The following MITF variants were observed in gnomAD, a reference collection of about 807,000 sequenced individuals.
MITF encodes the protein microphthalmia-associated transcription factor.
MITF carries 17 observed loss-of-function variants against 60.5 expected under a neutral mutation model. The observed-to-expected ratio is 0.28, with a 90% CI of 0.19 to 0.42. The LOEUF is 0.42. MITF is among the 10% of genes least tolerant of loss of function. MITF has a pLI of 1.00. For missense variants in MITF, 622 were observed against 683.5 expected (o/e 0.91, Z 1.00); for synonymous variants, 260 against 248.5 (o/e 1.05, Z -0.43).
At chr3:69,803,889 T>C (rs2106961396) in intron 1 of MITF, among the ~76,000 whole-genome samples, 1 of 152,280 alleles carries the variant, frequency 6.6e-6, no homozygotes, top group African/African-American at 2.4e-5. Flanking sequence ...GTTTCCTTGA[T>C]GTTGGGAAGT....
Position 69,930,299 on chromosome 3 carries a change from A to T in MITF, c.355-7523A>T, listed in dbSNP as rs9917633. On this transcript the variant is annotated intron_variant, in intron 2 of 9. Coordinates refer to ENST00000352241, the MANE Select transcript of MITF (RefSeq NM_001354604.2). ...ATCCTTGAGGCACTCTGACATTTAG[A>T]GGGGAGAAGAGGAGAAAACTAGCTA... is the stretch of plus-strand genomic sequence containing the variant. 8.6e-3 allele frequency among the ~76,000 whole-genome samples: 1,307 copies of T among 152,228 alleles called. 13 individuals carry two copies. Among genetic ancestry groups the T allele is most frequent in the African/African-American group, 0.029 (1,222 of 41,526 alleles).
At chr3:69,945,270 G>T (rs1346100496) in intron 5 of MITF, among the ~76,000 whole-genome samples, 2 of 152,176 alleles carry the variant, frequency 1.3e-5, no homozygotes, top group Non-Finnish European at 2.9e-5. Flanking sequence ...CAGTATGGGG[G>T]CATAGACCCA....
intron 1 of MITF, among the ~76,000 whole-genome samples, chr3:69,803,423 C>T (rs1374852712): frequency 2.6e-5 from 4 of 152,068 alleles, no homozygotes. Flanking sequence ...TCTCTGAGGA[C>T]TTTTGGAGGT....
intron 1 of MITF, among the ~76,000 whole-genome samples, chr3:69,759,363 G>A (rs1040502677): frequency 2.0e-5 from 3 of 152,108 alleles, no homozygotes; most frequent in Non-Finnish European, 4.4e-5. Context: ...ACACAAAAGT[G>A]CAAAAAATGT....
chr3:69,755,433 G>GA (rs1704102704), intron 1 of MITF, among the ~76,000 whole-genome samples: 1 of 35,396 alleles, frequency 2.8e-5, no homozygotes, highest in Non-Finnish European at 4.5e-5. Context: ...ACCCTTCTGG[G>GA]TTTTTTTTTT....
Position 69,739,712 on chromosome 3 carries a change from A to G in MITF, c.104+11A>G. 6.4e-7 allele frequency: 1 copy of G among 1,554,578 alleles called. No individual in the cohort carries two copies. Among genetic ancestry groups the G allele is most frequent in the Non-Finnish European group, 8.7e-7 (1 of 1,145,844 alleles). On this transcript the variant is annotated intron_variant, in intron 1 of 9. Transcript: ENST00000352241. ...ACCGCTGAAGAGCAGGTGAGTGGTGACAGCTGGGCAGAGGCGCACCGGGCG... is the reference window on the plus strand; with the variant it reads ...ACCGCTGAAGAGCAGGTGAGTGGTGGCAGCTGGGCAGAGGCGCACCGGGCG...
Position 69,965,027 on chromosome 3 carries a change from A to G in MITF, c.1360A>G (p.Thr454Ala), listed in dbSNP as rs915862992. 2.5e-6 allele frequency: 4 copies of G among 1,613,986 alleles called. No homozygotes were observed. The African/African-American group carries it at 5.3e-5, about 22-fold the overall frequency. Reference sequence around the variant, plus strand: ...AACAACTCTCGATCTCACGGATGGCACCATCACCTTCAACAACAACCTCGG... The same window carrying G: ...AACAACTCTCGATCTCACGGATGGCGCCATCACCTTCAACAACAACCTCGG... Reference protein sequence around the residue: ...CTTTLDLTDGTITFNNNLGTG... With the variant: ...CTTTLDLTDGAITFNNNLGTG... The change falls in exon 10 of 10, where the codon ACC becomes GCC. Residue 454 changes from threonine to alanine, a missense_variant. Around this residue, in one of 5 missense-constraint regions of MITF, gnomAD observed 224 missense variants for 209.5 expected, o/e 1.07. Transcript: ENST00000352241.
intron 9 of MITF, among the ~76,000 whole-genome samples, chr3:69,963,460 G>A (rs938178263): frequency 2.0e-5 from 3 of 152,012 alleles, no homozygotes; most frequent in Non-Finnish European, 4.4e-5. Flanking sequence ...CTTTTTGTTA[G>A]GTCCGAACAA....
rs181585760 is a variant in MITF at position 69,756,357 on chromosome 3, C to T, written c.104+16656C>T. Reference sequence around the variant, plus strand: ...GTCCATGTGTTCTCATTGTTCAACTCCCACTTATGAGTGAGAACATGCAGT... The same window carrying T: ...GTCCATGTGTTCTCATTGTTCAACTTCCACTTATGAGTGAGAACATGCAGT... On this transcript the variant is annotated intron_variant, in intron 1 of 9. Transcript: ENST00000352241. Among the ~76,000 whole-genome samples, 7 of 152,252 alleles carry T rather than the reference C, an allele frequency of 4.6e-5. No individual in the cohort carries two copies. In the East Asian group the frequency reaches 1.2e-3, roughly 25 times the overall value.
At chr3:69,923,366 A>T (rs931784606) in intron 2 of MITF, among the ~76,000 whole-genome samples, 1 of 152,214 alleles carries the variant, frequency 6.6e-6, no homozygotes, top group African/African-American at 2.4e-5. Context: ...TCTTTTGGAG[A>T]TGGAGTCTTG....
At chr3:69,827,860 G>A (rs1422162457) in intron 1 of MITF, among the ~76,000 whole-genome samples, 1 of 152,066 alleles carries the variant, frequency 6.6e-6, no homozygotes, top group African/African-American at 2.4e-5. Flanking sequence ...TCTCAGAAAA[G>A]TAAGCTTGGG....
chr3:69,938,244 A>G (rs1331017403), intron 3 of MITF, 195 bp downstream of exon 3: 2 of 1,156,880 alleles, frequency 1.7e-6, no homozygotes, highest in South Asian at 1.3e-5. Flanking sequence ...TGTAGAGCAC[A>G]TGACGGGAGA....
intron 1 of MITF, among the ~76,000 whole-genome samples, chr3:69,765,586 T>C (rs2062277757): frequency 6.6e-6 from 1 of 152,226 alleles, no homozygotes; most frequent in South Asian, 2.1e-4. Context: ...AAGATTAAAC[T>C]GAAGAATTGC....
rs995307499 is a variant in MITF, at chr3:69,739,499, C to T, written c.-99C>T. 10 of 1,156,720 alleles carry T rather than the reference C, an allele frequency of 8.6e-6. No homozygotes were observed. Among genetic ancestry groups the T allele is most frequent in the South Asian group, 1.3e-5 (1 of 75,322 alleles). 71.7% of individuals were successfully genotyped at this position (1,156,720 alleles called of 1,614,324 possible). On this transcript the variant is annotated 5_prime_UTR_variant, in exon 1 of 10. Coordinates refer to ENST00000352241, the MANE Select transcript of MITF (RefSeq NM_001354604.2). The stretch of plus-strand genomic sequence containing the variant: ...GAGCGGGCAGAGCTCGGCACTGCGC[C>T]GGGGCGCACGGCTCGGGGGACCCAG...
At chr3:69,854,299 G>C (rs1257666681) in intron 1 of MITF, among the ~76,000 whole-genome samples, 1 of 152,154 alleles carries the variant, frequency 6.6e-6, no homozygotes, top group Non-Finnish European at 1.5e-5. Flanking sequence ...AACTACAGTT[G>C]TCCTTGGTAT....
At chr3:69,873,990 C>T (rs1443461794) in intron 1 of MITF, among the ~76,000 whole-genome samples, 1 of 152,076 alleles carries the variant, frequency 6.6e-6, no homozygotes, top group Admixed American at 6.5e-5. Flanking sequence ...ATTTTGAAAC[C>T]CCTGTAGCTT....
intron 1 of MITF, among the ~76,000 whole-genome samples, chr3:69,779,267 T>G (rs1036168746): frequency 1.3e-5 from 2 of 152,200 alleles, no homozygotes; most frequent in Non-Finnish European, 2.9e-5. Context: ...TGGTTTGTTC[T>G]GTGAAATTGG....
chr3:69,867,747 G>A (rs943114126), intron 1 of MITF, among the ~76,000 whole-genome samples: 2 of 152,110 alleles, frequency 1.3e-5, no homozygotes, highest in Non-Finnish European at 2.9e-5. Context: ...AATGAAACTT[G>A]CTATTCTGAT....
intron 1 of MITF, among the ~76,000 whole-genome samples, chr3:69,872,297 A>G (rs1339609130): frequency 6.6e-6 from 1 of 152,174 alleles, no homozygotes; most frequent in East Asian, 1.9e-4. Context: ...GTTGGAGTAT[A>G]CATAAGTGAG....
Sources: allele counts gnomAD v4.1 joint callset (sites outside exome capture counted in the v4.1 genomes callset), GRCh38; gene constraint gnomAD v4.1.1; regional missense constraint gnomAD v4.1.1; transcripts MANE v1.5; gene names NCBI Gene and HGNC (gene_info 2026-07-23, HGNC 2026-07-21).